The following YAE1 variants were observed in gnomAD, a reference collection of about 807,000 sequenced individuals.
YAE1 encodes the protein YAE1 maturation factor of ABCE1.
Under a neutral mutation model 23.0 loss-of-function variants are expected in YAE1, and 22 were observed. The observed-to-expected ratio is 0.96, with a 90% CI of 0.68 to 1.37. The LOEUF is 1.37. YAE1 is among the 40% of genes most tolerant of loss of function. The pLI is 0.00. For missense variants in YAE1, 260 were observed against 262.1 expected, an observed-to-expected ratio of 0.99 and a Z score of 0.06; for synonymous variants, 101 against 97.0, an observed-to-expected ratio of 1.04 and a Z score of -0.24.
At chr7:39,584,381 C>CA (rs1459792992) in intron 2 of YAE1, among the ~76,000 whole-genome samples, 1 of 151,918 alleles carries the variant, frequency 6.6e-6, no homozygotes, top group Admixed American at 6.6e-5. Context: ...CAATAGTGCA[C>CA]AAAAAAGAAT....
chr7:39,575,539 A>G (rs1341827420), downstream of YAE1, among the ~76,000 whole-genome samples: 2 of 23,218 alleles, frequency 8.6e-5, no homozygotes, highest in South Asian at 1.3e-3. Context: ...AAGATACAGG[A>G]GAGAGAGAGA....
chr7:39,578,842 C>T (rs938123411), intron 2 of YAE1, among the ~76,000 whole-genome samples: 3 of 152,108 alleles, frequency 2.0e-5, no homozygotes, highest in Non-Finnish European at 4.4e-5. Context: ...TAAACAGTTA[C>T]GTTAATATAA....
intron 2 of YAE1, among the ~76,000 whole-genome samples, chr7:39,602,151 A>C (rs1338736707): frequency 1.3e-5 from 2 of 152,372 alleles, no homozygotes; most frequent in Middle Eastern, 6.8e-3. Context: ...TAGAGGACTC[A>C]AAGAGACAGC....
At chr7:39,569,081 A>G (rs1173493214) in intron 1 of YAE1, among the ~76,000 whole-genome samples, 1 of 152,216 alleles carries the variant, frequency 6.6e-6, no homozygotes, top group Non-Finnish European at 1.5e-5. Flanking sequence ...GGGGAAATGT[A>G]AATTTTCAAA....
chr7:39,611,344 G>C (rs1287146314), downstream of YAE1, among the ~76,000 whole-genome samples: 3 of 152,148 alleles, frequency 2.0e-5, no homozygotes, highest in African/African-American at 7.2e-5. Context: ...TGGAGTTGGT[G>C]CTTACCTCAT....
chr7:39,597,472 G>A (rs1397731711), intron 2 of YAE1, among the ~76,000 whole-genome samples: 1 of 152,204 alleles, frequency 6.6e-6, no homozygotes, highest in East Asian at 1.9e-4. Flanking sequence ...TTACTATGAG[G>A]TTAATATTGG....
chr7:39,574,250 CT>C (rs2115781730), downstream of YAE1, among the ~76,000 whole-genome samples: 1 of 152,310 alleles, frequency 6.6e-6, no homozygotes, highest in African/African-American at 2.4e-5. Flanking sequence ...GGAGAATTAG[CT>C]AGTTGAGACT....
intron 2 of YAE1, among the ~76,000 whole-genome samples, chr7:39,601,865 T>C (rs1421315229): frequency 6.6e-6 from 1 of 152,186 alleles, no homozygotes; most frequent in Non-Finnish European, 1.5e-5. Flanking sequence ...TAGAGCATTA[T>C]ATAGATTTGA....
chr7:39,595,355 T>C (rs184837597), intron 2 of YAE1, among the ~76,000 whole-genome samples: 41 of 152,096 alleles, frequency 2.7e-4, no homozygotes, highest in Admixed American at 1.8e-3. Flanking sequence ...GTTTCTGAGT[T>C]AAGGGGATTT....
At chr7:39,604,043 T>C (rs1424615112) in intron 2 of YAE1, among the ~76,000 whole-genome samples, 2 of 152,198 alleles carry the variant, frequency 1.3e-5, no homozygotes, top group Non-Finnish European at 2.9e-5. Flanking sequence ...GAGTTTAATA[T>C]CTACATAACA....
chr7:39,594,634 C>A (rs1257694443), intron 2 of YAE1, among the ~76,000 whole-genome samples: 1 of 151,130 alleles, frequency 6.6e-6, no homozygotes, highest in African/African-American at 2.4e-5. Flanking sequence ...CAGTCTCACT[C>A]TTGTTGCCCA....
chr7:39,575,767 T>C (rs1790649577), downstream of YAE1, among the ~76,000 whole-genome samples: 1 of 152,158 alleles, frequency 6.6e-6, no homozygotes, highest in African/African-American at 2.4e-5. Flanking sequence ...AATTCTTAAT[T>C]TCTCATGCAC....
At chr7:39,576,667 C>G (rs1222993536), downstream of YAE1, among the ~76,000 whole-genome samples, 1 of 152,126 alleles carries the variant, frequency 6.6e-6, no homozygotes, top group Non-Finnish European at 1.5e-5. Context: ...TTGCTCTTCC[C>G]AATGTTTCCC....
chr7:39,592,838 A>G (rs1357244813), intron 2 of YAE1, among the ~76,000 whole-genome samples: 2 of 152,126 alleles, frequency 1.3e-5, no homozygotes, highest in Non-Finnish European at 2.9e-5. Context: ...TTCTCTTTGC[A>G]CTTATCCTGC....
chr7:39,580,852 T>A (rs896104705), intron 2 of YAE1, among the ~76,000 whole-genome samples: 2 of 152,096 alleles, frequency 1.3e-5, no homozygotes, highest in African/African-American at 4.8e-5. Flanking sequence ...TAACTGATCA[T>A]AAGAAAACCT....
At chr7:39,590,972 A>G (rs144944404) in intron 2 of YAE1, among the ~76,000 whole-genome samples, 1 of 152,286 alleles carries the variant, frequency 6.6e-6, no homozygotes, top group African/African-American at 2.4e-5. Context: ...GGCTTAAACA[A>G]TAGACATTTA....
At chr7:39,584,650 G>A (rs1790788906) in intron 2 of YAE1, among the ~76,000 whole-genome samples, 1 of 152,126 alleles carries the variant, frequency 6.6e-6, no homozygotes, top group South Asian at 2.1e-4. Flanking sequence ...GAGATGTAGA[G>A]TTTATTGAGG....
intron 2 of YAE1, among the ~76,000 whole-genome samples, chr7:39,579,446 G>T (rs1381435435): frequency 6.6e-6 from 1 of 152,104 alleles, no homozygotes; most frequent in Non-Finnish European, 1.5e-5. Flanking sequence ...AGGTGGACAG[G>T]TCACTTGAGG....
Position 39,572,329 on chromosome 7 carries a change from A to G in YAE1, c.304A>G (p.Lys102Glu). 1 of 1,613,952 alleles carries G rather than the reference A, an allele frequency of 6.2e-7. No homozygotes were observed. The highest frequency in any genetic ancestry group is 8.5e-7 in the Non-Finnish European group (1 of 1,179,918). ...TAATAATAATTCAACTTTGATCAAT[A>G]AAATAAACAATCTTCTGGATGCAGT... is the stretch of plus-strand genomic sequence containing the variant. ...LHNNNSTLIN[K>E]INNLLDAVGQ... is the part of the protein sequence containing the mutation. The change falls in exon 3 of 3, where the codon AAA becomes GAA. Residue 102 changes from lysine to glutamate, a missense_variant. Transcript: ENST00000223273.
Sources: allele counts gnomAD v4.1 joint callset (sites outside exome capture counted in the v4.1 genomes callset), GRCh38; gene constraint gnomAD v4.1.1; transcripts MANE v1.5; gene names NCBI Gene and HGNC (gene_info 2026-07-23, HGNC 2026-07-21).